Variants in STAG3 observed in about 807,000 individuals in gnomAD.
STAG3 encodes the protein STAG3 cohesin complex component.
A neutral mutation model predicts 160.7 loss-of-function variants in STAG3; 101 were observed. The ratio of observed to expected loss-of-function variants is 0.63; its 90% CI spans 0.54 to 0.74. The LOEUF (loss-of-function observed/expected upper bound fraction) is 0.74, where lower values mean the gene tolerates loss of function less well. Among genes scored for constraint, STAG3 ranks in the 30% least tolerant of loss-of-function variants. The probability of loss-of-function intolerance (pLI) is 0.00; values close to 1 mark genes in which losing one functional copy is unlikely to be tolerated. For missense variants in STAG3, 1,188 were observed against 1,517.4 expected, an observed-to-expected ratio of 0.78 and a Z score of 3.61; for synonymous variants, 519 against 585.0, an observed-to-expected ratio of 0.89 and a Z score of 1.63.
intron 4 of STAG3, among the ~76,000 whole-genome samples, chr7:100,184,501 T>TC (rs1799865488): frequency 7.7e-6 from 1 of 130,092 alleles, no homozygotes; most frequent in African/African-American, 2.9e-5. Flanking sequence ...CGGAGTCTTG[T>TC]TCTGTCGCCA....
At chr7:100,194,805 A>G (rs932010873) in intron 8 of STAG3, among the ~76,000 whole-genome samples, 3 of 152,212 alleles carry the variant, frequency 2.0e-5, no homozygotes, top group Admixed American at 2.0e-4. Context: ...ATAAAAAAAT[A>G]TGTAACATTA....
chr7:100,209,635 G>T (rs919277574), intron 29 of STAG3, among the ~76,000 whole-genome samples: 1 of 152,226 alleles, frequency 6.6e-6, no homozygotes, highest in South Asian at 2.1e-4. Flanking sequence ...TGGGAGACCA[G>T]CAGGGAGGTT....
At chr7:100,213,560 TC>T in intron 32 of STAG3, 174 bp from the exon 33 acceptor site, 1 of 985,378 alleles carries the variant, frequency 1.0e-6, no homozygotes, top group Non-Finnish European at 1.2e-6. Context: ...CAAGAAGCGC[TC>T]TGCAGTCAGG....
intron 6 of STAG3, 29 bp downstream of exon 6, chr7:100,188,558 C>T (rs1800170649): frequency 6.6e-7 from 1 of 1,518,618 alleles, no homozygotes; most frequent in Non-Finnish European, 9.2e-7. Flanking sequence ...GATCCTCTTA[C>T]CCCTCTTATT....
chr7:100,199,720 C>G (rs999278100), intron 16 of STAG3, 76 bp downstream of exon 16: 5 of 1,214,112 alleles, frequency 4.1e-6, no homozygotes, highest in Non-Finnish European at 5.7e-6. Flanking sequence ...ATCCCCCAGG[C>G]TGGGGTTAGG....
chr7:100,211,977 T>A, intron 32 of STAG3, 101 bp downstream of exon 32: 1 of 1,075,238 alleles, frequency 9.3e-7, no homozygotes, highest in Non-Finnish European at 1.3e-6. Flanking sequence ...ATGCCTGGTC[T>A]GGAAAAGCTG....
chr7:100,194,998 A>G (rs1800588659), intron 8 of STAG3, among the ~76,000 whole-genome samples: 1 of 152,180 alleles, frequency 6.6e-6, no homozygotes, highest in African/African-American at 2.4e-5. Context: ...AAAAATCCAC[A>G]ATGTCTGCAA....
At chr7:100,205,669 A>C (rs1236732189) in intron 29 of STAG3, among the ~76,000 whole-genome samples, 1 of 151,962 alleles carries the variant, frequency 6.6e-6, no homozygotes, top group Non-Finnish European at 1.5e-5. Flanking sequence ...GTCTCTACTA[A>C]AAATACAAAA....
intron 5 of STAG3, among the ~76,000 whole-genome samples, chr7:100,188,207 G>A (rs557878017): frequency 5.3e-5 from 8 of 152,246 alleles, no homozygotes; most frequent in African/African-American, 1.9e-4. Flanking sequence ...GGTTGTGTGA[G>A]GTGTGGTTCT....
chr7:100,200,098 GA>G, intron 16 of STAG3, 137 bp from the exon 17 acceptor site: 1 of 546,090 alleles, frequency 1.8e-6, no homozygotes, highest in Non-Finnish European at 3.1e-6. Context: ...TTCATTTCCA[GA>G]AAAAAGAAAT....
downstream of STAG3, among the ~76,000 whole-genome samples, chr7:100,217,136 CA>C (rs1802830655): frequency 6.6e-6 from 1 of 152,222 alleles, no homozygotes; most frequent in Non-Finnish European, 1.5e-5. Context: ...TGATCTTGGC[CA>C]AAAGGCCAAG....
chr7:100,193,021 A>G (rs1800437921), intron 8 of STAG3, among the ~76,000 whole-genome samples: 1 of 152,218 alleles, frequency 6.6e-6, no homozygotes, highest in African/African-American at 2.4e-5. Context: ...GGGCTGCAAA[A>G]TGGATGTTGT....
intron 8 of STAG3, among the ~76,000 whole-genome samples, chr7:100,193,994 C>G (rs1800518189): frequency 7.1e-6 from 1 of 141,830 alleles, no homozygotes; most frequent in Admixed American, 7.9e-5. Flanking sequence ...GTTGCCCAGG[C>G]TAGAGTGCGA....
At position 100,211,489 on chromosome 7, in the gene STAG3, C is replaced by T; in HGVS notation, c.3468C>T (p.Phe1156=). Residue 1156 remains phenylalanine, a synonymous_variant, in exon 31 of 34, where the codon TTC becomes TTT. Transcript: ENST00000615138. The part of the protein sequence containing the change: ...ERSRFLGPQY[F]QTPHNPSGPG... ...CAAGGTTCTTGGGTCCACAATATTT[C>T]CAGACTCCACACAACCCTTCAGGTC... 6.2e-7 allele frequency: 1 copy of T among 1,613,972 alleles called. No homozygotes were observed. Among genetic ancestry groups the T allele is most frequent in the Non-Finnish European group, 8.5e-7 (1 of 1,180,006 alleles).
chr7:100,201,826 T>C lies in STAG3; in HGVS notation c.2261T>C (p.Leu754Pro). 6.2e-7 allele frequency: 1 copy of C among 1,614,216 alleles called. No individual in the cohort carries two copies. Among genetic ancestry groups the C allele is most frequent in the Middle Eastern group, 1.6e-4 (1 of 6,062 alleles). The change falls in exon 22 of 34, where the codon CTC becomes CCC. Residue 754 changes from leucine (L) to proline (P), a missense_variant. Physicochemically the swap from Leu to Pro is moderately conservative, Grantham distance 98 (BLOSUM62 -3). Coordinates refer to ENST00000615138, the MANE Select transcript of STAG3 (RefSeq NM_001282717.2). ...TTGACTCTTGTCTATTTTTCCATTC[T>C]CTGGACACTAACCCACATTTCTAAA... ...PALTLVYFSI[L>P]WTLTHISKSD...
At position 100,198,115 on chromosome 7, in the gene STAG3, G is replaced by C. The variant is rs199906943; in HGVS notation, c.1193G>C (p.Arg398Thr). 2 of 1,613,848 alleles carry C rather than the reference G, an allele frequency of 1.2e-6. No individual in the cohort carries two copies. The highest frequency in any genetic ancestry group is 1.7e-5 in the Admixed American group (1 of 59,998). Reference protein sequence around the residue: ...KDRMVSMVMDREYDVAVEAVR... With the variant: ...KDRMVSMVMDTEYDVAVEAVR... ...CGGATGGTTTCCATGGTCATGGACA[G>C]AGAGTATGATGTGGCAGTGGAGGCT... Residue 398 changes from arginine to threonine, a missense_variant, in exon 12 of 34, where the codon AGA (arginine) becomes ACA (threonine). Arg to Thr is a moderately conservative substitution (Grantham distance 71, BLOSUM62 -1). Around this residue, in one of 4 missense-constraint regions of STAG3, gnomAD observed 240 missense variants for 358.1 expected, o/e 0.67. Coordinates refer to ENST00000615138, the MANE Select transcript of STAG3 (RefSeq NM_001282717.2).
Position 100,182,127 on chromosome 7 carries a change from T to A in STAG3, c.154T>A (p.Phe52Ile). Residue 52 changes from phenylalanine (F) to isoleucine (I), a missense_variant, in exon 3 of 34, where the codon TTT (phenylalanine) becomes ATT (isoleucine). This residue lies in a region of STAG3 where 296 missense variants were observed against 404.0 expected (regional missense o/e 0.73). Coordinates refer to ENST00000615138, the MANE Select transcript of STAG3 (RefSeq NM_001282717.2). ...DSLLADEDTD[F>I]EDSLNRNVKK... ...TTTGTTAGCTGATGAAGACACTGAC[T>A]TTGAAGACAGCTTGAATCGCAATGT... is the stretch of plus-strand genomic sequence containing the variant. 1 of 1,613,718 alleles carries A rather than the reference T, an allele frequency of 6.2e-7. No homozygotes were observed. The highest frequency in any genetic ancestry group is 1.3e-5 in the African/African-American group (1 of 75,008).
chr7:100,205,402 G>A lies in STAG3; in HGVS notation c.3238+18G>A. On this transcript the variant is annotated intron_variant, in intron 29 of 33. Transcript: ENST00000615138. Reference sequence around the variant, plus strand: ...CGTTGAAGGTAGGGTGCTGTGTGTGGGTATGGGGGTGCCCAGCAGGTGGTC... The same window carrying A: ...CGTTGAAGGTAGGGTGCTGTGTGTGAGTATGGGGGTGCCCAGCAGGTGGTC... 1.3e-6 allele frequency: 2 copies of A among 1,577,660 alleles called. No homozygotes were observed. Among genetic ancestry groups the A allele is most frequent in the Non-Finnish European group, 1.7e-6 (2 of 1,163,712 alleles).
chr7:100,203,599 C>G (rs1317910799), intron 25 of STAG3, among the ~76,000 whole-genome samples: 1 of 151,830 alleles, frequency 6.6e-6, no homozygotes, highest in East Asian at 1.9e-4. Flanking sequence ...ACTACAAGGT[C>G]CGGCTCCTGG....
Sources: allele counts gnomAD v4.1 joint callset (sites outside exome capture counted in the v4.1 genomes callset), GRCh38; gene constraint gnomAD v4.1.1; regional missense constraint gnomAD v4.1.1; transcripts MANE v1.5; gene names NCBI Gene and HGNC (gene_info 2026-07-23, HGNC 2026-07-21).